The following IGF1R variants were observed in gnomAD, a reference collection of about 807,000 sequenced individuals.
IGF1R encodes insulin like growth factor 1 receptor, also known as insulin-like growth factor 1 receptor.
A neutral mutation model predicts 144.6 loss-of-function variants in IGF1R; 44 were observed. The ratio of observed to expected loss-of-function variants is 0.30; its 90% CI spans 0.24 to 0.39. The LOEUF (loss-of-function observed/expected upper bound fraction) is 0.39. Among genes scored for constraint, IGF1R ranks in the 10% least tolerant of loss-of-function variants. IGF1R has a pLI of 1.00. For synonymous variants in IGF1R, 795 were observed against 722.8 expected, an observed-to-expected ratio of 1.10 and a Z score of -1.60; for missense variants, 1,355 against 1,833.7, an observed-to-expected ratio of 0.74 and a Z score of 4.77.
intron 2 of IGF1R, among the ~76,000 whole-genome samples, chr15:98,854,318 C>T (rs534432603): frequency 8.5e-5 from 13 of 152,230 alleles, no homozygotes; most frequent in African/African-American, 1.9e-4. Flanking sequence ...CAGGTGCTTT[C>T]GCCACAGTGA....
intron 2 of IGF1R, among the ~76,000 whole-genome samples, chr15:98,774,033 T>C (rs918060076): frequency 1.3e-5 from 2 of 152,216 alleles, no homozygotes; most frequent in African/African-American, 4.8e-5. Context: ...TATTTTTATC[T>C]CTTTGGGATT....
chr15:98,675,187 C>T lies in IGF1R; in HGVS notation c.94+25512C>T, dbSNP rs1368573594. On this transcript the variant is annotated intron_variant, in intron 1 of 20. Transcript: ENST00000650285. Reference sequence around the variant, plus strand: ...TATTTTTAGTAGAAACGGGGTTTCACCATGTTGGCCAGGCTGGTCTCAAAC... The same window carrying T: ...TATTTTTAGTAGAAACGGGGTTTCATCATGTTGGCCAGGCTGGTCTCAAAC... Among the ~76,000 whole-genome samples the T allele has an allele frequency of 3.9e-5, 6 of 152,132 alleles. No individual in the cohort carries two copies. In the South Asian group the frequency reaches 1.2e-3, roughly 32 times the overall value.
intron 2 of IGF1R, among the ~76,000 whole-genome samples, chr15:98,784,053 C>T (rs2055927331): frequency 7.0e-6 from 1 of 143,128 alleles, no homozygotes; most frequent in Non-Finnish European, 1.5e-5. Flanking sequence ...CAGCTCACTG[C>T]AGCCTCTGGC....
chr15:98,893,567 G>T (rs1004945536), intron 3 of IGF1R: 1 of 152,220 alleles, frequency 6.6e-6, no homozygotes, highest in African/African-American at 2.4e-5. Context: ...ACACTATTCA[G>T]ACGTCACCTT....
At chr15:98,699,546 G>T (rs1425928910) in intron 1 of IGF1R, among the ~76,000 whole-genome samples, 1 of 152,186 alleles carries the variant, frequency 6.6e-6, no homozygotes, top group East Asian at 1.9e-4. Context: ...GAAAACGGTT[G>T]TTACAAATAC....
chr15:98,856,968 G>T, intron 2 of IGF1R, among the ~76,000 whole-genome samples: 1 of 151,796 alleles, frequency 6.6e-6, no homozygotes, highest in Non-Finnish European at 1.5e-5. Context: ...ATAATGATTT[G>T]CCCTTTCTCC....
Position 98,959,773 on chromosome 15 carries a change from A to C in IGF1R, c.*2331A>C, listed in dbSNP as rs1183648551. 1 of 233,356 alleles carries C rather than the reference A, an allele frequency of 4.3e-6. No individual in the cohort carries two copies. The highest frequency in any genetic ancestry group is 8.5e-6 in the Non-Finnish European group (1 of 118,058). The allele number at this position is 233,356 out of a possible 1,614,324, so 14.5% of individuals were successfully genotyped here. A position where few individuals can be genotyped will look rare whatever the true frequency, so the allele number is the denominator to read the frequency against. The stretch of plus-strand genomic sequence containing the variant: ...TGTGACTGAAGATTCAACACAGAAA[A>C]GAAAGTTTATACGGCTTTTTTGCTG... On this transcript the variant is annotated 3_prime_UTR_variant, in exon 21 of 21. Coordinates refer to ENST00000650285, the MANE Select transcript of IGF1R (RefSeq NM_000875.5).
chr15:98,881,966 A>T (rs554310781), intron 2 of IGF1R, among the ~76,000 whole-genome samples: 13 of 152,254 alleles, frequency 8.5e-5, no homozygotes, highest in African/African-American at 1.2e-4. Flanking sequence ...TATAGTAGAG[A>T]TATGAATAGT....
At chr15:98,895,223 CA>C (rs2014125846) in intron 3 of IGF1R, among the ~76,000 whole-genome samples, 6 of 3,912 alleles carry the variant, frequency 1.5e-3, no homozygotes, top group Admixed American at 9.6e-3. Context: ...GACACAGCAC[CA>C]CACACACACA....
intron 2 of IGF1R, among the ~76,000 whole-genome samples, chr15:98,871,221 C>A (rs188519847): frequency 1.2e-4 from 19 of 152,358 alleles, no homozygotes; most frequent in Admixed American, 6.5e-4. Context: ...GAACCCGTAA[C>A]TTTGAGTAAC....
chr15:98,838,349 C>T (rs548685647), intron 2 of IGF1R, among the ~76,000 whole-genome samples: 14 of 152,280 alleles, frequency 9.2e-5, no homozygotes, highest in African/African-American at 2.6e-4. Flanking sequence ...AAAAATAGCA[C>T]GTGACCCTGA....
At chr15:98,654,616 C>G (rs2052443920) in intron 1 of IGF1R, among the ~76,000 whole-genome samples, 1 of 151,668 alleles carries the variant, frequency 6.6e-6, no homozygotes, top group Non-Finnish European at 1.5e-5. Flanking sequence ...GTGATTTTCC[C>G]CAATTTGTTT....
intron 2 of IGF1R, among the ~76,000 whole-genome samples, chr15:98,710,107 C>G (rs1403934907): frequency 6.6e-6 from 1 of 152,084 alleles, no homozygotes; most frequent in Non-Finnish European, 1.5e-5. Flanking sequence ...GGAAAAGCAC[C>G]GTGAAAATGT....
At position 98,891,653 on chromosome 15, in the gene IGF1R, A is replaced by C. The variant is rs1417521040; in HGVS notation, c.953+16A>C. 3 of 1,598,034 alleles carry C rather than the reference A, an allele frequency of 1.9e-6. No individual in the cohort carries two copies. In the East Asian group the frequency reaches 6.7e-5, roughly 36 times the overall value. On this transcript the variant is annotated intron_variant, in intron 3 of 20. Coordinates refer to ENST00000650285, the MANE Select transcript of IGF1R (RefSeq NM_000875.5). The surrounding 1 kb of genome is among the most constrained non-coding windows in gnomAD (Gnocchi z 4.7). ...GCAGCCAGAGGTCAGTCGCGGCCAC[A>C]CGTGTGGTCACTACCCGCCCCACCT... is the stretch of plus-strand genomic sequence containing the variant.
intron 1 of IGF1R, among the ~76,000 whole-genome samples, chr15:98,693,021 C>T (rs59772555): frequency 0.018 from 2,755 of 152,220 alleles, 82 homozygotes; most frequent in African/African-American, 0.062. Context: ...TCCATTTGCC[C>T]GTGGTGTTGC....
At position 98,704,111 on chromosome 15, in the gene IGF1R, A is replaced by C. The variant is rs544353498; in HGVS notation, c.95-3451A>C. Among the ~76,000 whole-genome samples the C allele has an allele frequency of 1.4e-4, 21 of 152,316 alleles. No individual in the cohort carries two copies. Among genetic ancestry groups the C allele is most frequent in the African/African-American group, 4.6e-4 (19 of 41,562 alleles). Reference sequence around the variant, plus strand: ...CCTTCAGCTGTGATGTGTCTTTTCCACACATGCCCAGATTCCCTCAGACAC... The same window carrying C: ...CCTTCAGCTGTGATGTGTCTTTTCCCCACATGCCCAGATTCCCTCAGACAC... On this transcript the variant is annotated intron_variant, in intron 1 of 20. Coordinates refer to ENST00000650285, the MANE Select transcript of IGF1R (RefSeq NM_000875.5). The surrounding 1 kb of genome is among the most constrained non-coding windows in gnomAD (Gnocchi z 4.9).
At chr15:98,906,713 G>A (rs1329767268) in intron 5 of IGF1R, among the ~76,000 whole-genome samples, 2 of 152,230 alleles carry the variant, frequency 1.3e-5, no homozygotes, top group African/African-American at 4.8e-5. Context: ...TGCTTTTCCA[G>A]GATAGCTGTG....
chr15:98,946,148 G>A (rs1316903486), intron 19 of IGF1R, among the ~76,000 whole-genome samples: 2 of 147,532 alleles, frequency 1.4e-5, no homozygotes, highest in East Asian at 2.1e-4. Flanking sequence ...ATGAAGTTGT[G>A]TAGGCACCCT....
intron 2 of IGF1R, among the ~76,000 whole-genome samples, chr15:98,814,778 C>A (rs1279821049): frequency 6.6e-6 from 1 of 150,774 alleles, no homozygotes; most frequent in Middle Eastern, 3.2e-3. Flanking sequence ...GAATGGAAGA[C>A]CAAAAATGGG....
Sources: allele counts gnomAD v4.1 joint callset (sites outside exome capture counted in the v4.1 genomes callset), GRCh38; gene constraint gnomAD v4.1.1; non-coding constraint Gnocchi (gnomAD v3.1); transcripts MANE v1.5; gene names NCBI Gene and HGNC (gene_info 2026-07-23, HGNC 2026-07-21).